DIS3L2: variants seen among roughly 807,000 people sequenced by gnomAD.
DIS3L2 encodes DIS3 like 3'-5' exoribonuclease 2, also known as DIS3-like exonuclease 2.
Under a neutral mutation model 97.5 loss-of-function variants are expected in DIS3L2, and 34 were observed. That is an observed-to-expected ratio of 0.35 (90% CI 0.27 to 0.46). The LOEUF (loss-of-function observed/expected upper bound fraction) is 0.46, where lower values mean the gene tolerates loss of function less well. Ranked by LOEUF, DIS3L2 falls within the 20% of genes least tolerant of loss-of-function variation. The pLI is 1.00. For missense variants in DIS3L2, 1,038 were observed against 1,146.0 expected, an observed-to-expected ratio of 0.91 and a Z score of 1.36; for synonymous variants, 435 against 445.2, an observed-to-expected ratio of 0.98 and a Z score of 0.29.
chr2:232,020,496 G>C (rs1423143975), intron 3 of DIS3L2, among the ~76,000 whole-genome samples: 1 of 152,174 alleles, frequency 6.6e-6, no homozygotes. Flanking sequence ...TGCTTGCTGA[G>C]TTTTCGAATT....
At chr2:232,089,929 C>G (rs966237569) in intron 6 of DIS3L2, among the ~76,000 whole-genome samples, 2 of 152,020 alleles carry the variant, frequency 1.3e-5, no homozygotes, top group African/African-American at 2.4e-5. Flanking sequence ...TATTATAATT[C>G]TTCCCCCACA....
intron 10 of DIS3L2, among the ~76,000 whole-genome samples, chr2:232,224,838 TAAA>T (rs767838664): frequency 2.5e-5 from 3 of 121,672 alleles, no homozygotes; most frequent in African/African-American, 3.1e-5. Flanking sequence ...ACTCTGTCTT[TAAA>T]AAAAAAAAAA....
At chr2:232,195,106 CAT>C (rs1315919172) in intron 9 of DIS3L2, among the ~76,000 whole-genome samples, 2 of 152,152 alleles carry the variant, frequency 1.3e-5, no homozygotes, top group African/African-American at 2.4e-5. Context: ...ACTTAAAAGA[CAT>C]ATAATTCTAA....
At chr2:232,101,646 G>A (rs560520852) in intron 6 of DIS3L2, among the ~76,000 whole-genome samples, 5 of 152,312 alleles carry the variant, frequency 3.3e-5, no homozygotes, top group South Asian at 2.1e-4. Context: ...CAGTTGGTAA[G>A]TATACTTTAA....
At chr2:232,265,556 G>A (rs969159075) in intron 13 of DIS3L2, among the ~76,000 whole-genome samples, 3 of 152,236 alleles carry the variant, frequency 2.0e-5, no homozygotes, top group African/African-American at 4.8e-5. Flanking sequence ...GGAGTGGTAT[G>A]TGTATTCTCA....
chr2:232,049,120 C>G (rs1473866293), intron 5 of DIS3L2, among the ~76,000 whole-genome samples: 3 of 151,960 alleles, frequency 2.0e-5, no homozygotes, highest in Non-Finnish European at 1.5e-5. Context: ...ATAATATTTC[C>G]TTGAGTGGAT....
At chr2:231,997,552 A>T (rs919367232) in intron 1 of DIS3L2, among the ~76,000 whole-genome samples, 1 of 152,336 alleles carries the variant, frequency 6.6e-6, no homozygotes, top group East Asian at 1.9e-4. Flanking sequence ...TTTGTATTCC[A>T]TGTTAGGGGT....
chr2:232,332,120 C>G (rs950998836), intron 16 of DIS3L2, among the ~76,000 whole-genome samples: 1 of 151,350 alleles, frequency 6.6e-6, no homozygotes, highest in African/African-American at 2.4e-5. Flanking sequence ...CCCATCCCAC[C>G]CGACCCTGAG....
chr2:232,254,084 C>T (rs996176883), intron 12 of DIS3L2, among the ~76,000 whole-genome samples: 2 of 152,126 alleles, frequency 1.3e-5, no homozygotes, highest in East Asian at 1.9e-4. Context: ...TTCTTATATA[C>T]CACAGTGCCA....
chr2:232,244,916 TTC>T (rs1693208431), intron 11 of DIS3L2, among the ~76,000 whole-genome samples: 1 of 152,148 alleles, frequency 6.6e-6, no homozygotes, highest in Non-Finnish European at 1.5e-5. Flanking sequence ...CCCAGCAGTT[TTC>T]TCTGTCACTG....
chr2:232,056,525 T>C (rs1326977112), intron 5 of DIS3L2, among the ~76,000 whole-genome samples: 2 of 152,122 alleles, frequency 1.3e-5, no homozygotes, highest in East Asian at 1.9e-4. Context: ...CAACCAGATA[T>C]ATATTCAACA....
rs1028652459 is a variant in DIS3L2, at chr2:232,271,856, A to G, written c.1659+8416A>G. 3.3e-5 allele frequency among the ~76,000 whole-genome samples: 5 copies of G among 152,166 alleles called. 1 individual carries two copies. The highest frequency in any genetic ancestry group is 3.3e-4 in the Admixed American group (5 of 15,274). On this transcript the variant is annotated intron_variant, in intron 13 of 20. Coordinates refer to ENST00000325385, the MANE Select transcript of DIS3L2 (RefSeq NM_152383.5). ...TCTCCCCTTTGAGAAAAAGGAAGAG[A>G]CAGAGATTGATTTAGTTAGTACACT...
At chr2:232,182,433 C>G (rs1238239209) in intron 9 of DIS3L2, among the ~76,000 whole-genome samples, 1 of 152,062 alleles carries the variant, frequency 6.6e-6, no homozygotes, top group East Asian at 1.9e-4. Flanking sequence ...TCTGTTAGAT[C>G]TAATTGATTT....
At chr2:232,091,163 G>C (rs1696826855) in intron 6 of DIS3L2, among the ~76,000 whole-genome samples, 1 of 152,202 alleles carries the variant, frequency 6.6e-6, no homozygotes. Context: ...GGAGCTTAGG[G>C]ACAACCAATT....
chr2:232,014,073 C>G (rs1477433238), intron 1 of DIS3L2, among the ~76,000 whole-genome samples: 2 of 152,194 alleles, frequency 1.3e-5, no homozygotes, highest in Admixed American at 6.5e-5. Flanking sequence ...TGGTGGCCAG[C>G]AGAGACTAGA....
At chr2:232,113,616 G>A (rs1372481534) in intron 6 of DIS3L2, among the ~76,000 whole-genome samples, 2 of 152,150 alleles carry the variant, frequency 1.3e-5, no homozygotes, top group African/African-American at 4.8e-5. Flanking sequence ...AAACCCAAAA[G>A]GAGGGATTGA....
intron 9 of DIS3L2, among the ~76,000 whole-genome samples, chr2:232,175,327 A>C (rs1352617712): frequency 6.6e-6 from 1 of 152,170 alleles, no homozygotes; most frequent in Non-Finnish European, 1.5e-5. Flanking sequence ...TTGATTGACT[A>C]TCATATGTTG....
intron 9 of DIS3L2, among the ~76,000 whole-genome samples, chr2:232,164,595 C>G (rs1442472454): frequency 1.3e-5 from 2 of 152,324 alleles, no homozygotes; most frequent in African/African-American, 2.4e-5. Flanking sequence ...AATACTCCCT[C>G]TCTGTACCTT....
chr2:232,047,437 G>A (rs1408316534), intron 5 of DIS3L2, among the ~76,000 whole-genome samples: 1 of 152,216 alleles, frequency 6.6e-6, no homozygotes, highest in Non-Finnish European at 1.5e-5. Context: ...TTTAATAAAT[G>A]AGGCACCTGT....
Sources: gnomAD v4.1 joint callset for allele counts (sites outside exome capture counted in the v4.1 genomes callset) on GRCh38, gnomAD v4.1.1 for gene constraint, MANE v1.5 for transcripts, NCBI Gene and HGNC (gene_info 2026-07-23, HGNC 2026-07-21) for gene names.